Variants in SDK1 observed in about 807,000 individuals in gnomAD.
The protein encoded by SDK1 is sidekick cell adhesion molecule 1.
A neutral mutation model predicts 245.5 loss-of-function variants in SDK1; 157 were observed. The observed-to-expected ratio is 0.64, with a 90% CI of 0.56 to 0.73. The LOEUF (loss-of-function observed/expected upper bound fraction) is 0.73, where lower values mean the gene tolerates loss of function less well. Among genes scored for constraint, SDK1 ranks in the 30% least tolerant of loss-of-function variants. The pLI is 0.00. For missense variants in SDK1, 3,583 were observed against 3,002.3 expected (o/e 1.19, Z -4.52); for synonymous variants, 1,647 against 1,278.5 (o/e 1.29, Z -6.15).
intron 1 of SDK1, among the ~76,000 whole-genome samples, chr7:3,376,578 G>C (rs919796616): frequency 1.6e-4 from 25 of 152,168 alleles, no homozygotes; most frequent in African/African-American, 5.6e-4. Flanking sequence ...GTATTTACCA[G>C]ATTCACAGAG....
intron 1 of SDK1, among the ~76,000 whole-genome samples, chr7:3,417,456 TTC>T (rs918070264): frequency 4.6e-5 from 7 of 152,156 alleles, no homozygotes; most frequent in African/African-American, 1.4e-4. Flanking sequence ...TCTCTTTTTT[TTC>T]TCTCTCTTAC....
chr7:4,239,439 A>C (rs1786383758), intron 42 of SDK1, among the ~76,000 whole-genome samples: 1 of 152,250 alleles, frequency 6.6e-6, no homozygotes. Context: ...TAGCTTGTGC[A>C]TTTGATTATC....
At chr7:3,479,769 G>A (rs1332086971) in intron 1 of SDK1, among the ~76,000 whole-genome samples, 2 of 151,824 alleles carry the variant, frequency 1.3e-5, no homozygotes, top group Non-Finnish European at 2.9e-5. Context: ...AGTTGAGGCA[G>A]GAGAATTGCT....
chr7:3,971,981 G>T (rs1782520064), intron 12 of SDK1, among the ~76,000 whole-genome samples: 1 of 152,072 alleles, frequency 6.6e-6, no homozygotes, highest in African/African-American at 2.4e-5. Context: ...GTGAAATGGA[G>T]GGGGAGGGAG....
At chr7:3,491,315 T>C (rs1478567618) in intron 1 of SDK1, among the ~76,000 whole-genome samples, 4 of 152,196 alleles carry the variant, frequency 2.6e-5, no homozygotes, top group Admixed American at 2.0e-4. Context: ...ACTCAGACTT[T>C]CTTCTCCAAC....
At chr7:3,949,123 G>A (rs774998910) in intron 5 of SDK1, among the ~76,000 whole-genome samples, 1 of 152,168 alleles carries the variant, frequency 6.6e-6, no homozygotes, top group African/African-American at 2.4e-5. Flanking sequence ...AAGCGAAGGC[G>A]TCAGCAGGAA....
intron 1 of SDK1, among the ~76,000 whole-genome samples, chr7:3,493,070 C>A (rs963922782): frequency 6.6e-6 from 1 of 152,304 alleles, no homozygotes; most frequent in Non-Finnish European, 1.5e-5. Flanking sequence ...CCTGCCTCAG[C>A]CTCCCCAGTA....
intron 4 of SDK1, among the ~76,000 whole-genome samples, chr7:3,817,315 C>T (rs1779533063): frequency 6.6e-6 from 1 of 152,172 alleles, no homozygotes; most frequent in African/African-American, 2.4e-5. Context: ...CTTCTTACAG[C>T]TTGTAAGTAC....
intron 1 of SDK1, among the ~76,000 whole-genome samples, chr7:3,350,826 T>G (rs1049412460): frequency 6.6e-6 from 1 of 152,210 alleles, no homozygotes; most frequent in African/African-American, 2.4e-5. Context: ...TGAAAAAAAT[T>G]AGTAGGACTG....
intron 1 of SDK1, among the ~76,000 whole-genome samples, chr7:3,439,707 T>C (rs535831857): frequency 6.6e-6 from 1 of 152,368 alleles, no homozygotes; most frequent in Admixed American, 6.5e-5. Flanking sequence ...CAGCTTGCTT[T>C]ATAGAACAGA....
chr7:3,369,626 A>C (rs1349103909), intron 1 of SDK1, among the ~76,000 whole-genome samples: 1 of 152,220 alleles, frequency 6.6e-6, no homozygotes, highest in African/African-American at 2.4e-5. Context: ...TGTTGTATAT[A>C]AGAGGATAGC....
chr7:3,301,939 G>T (rs1390036985), intron 1 of SDK1, 55 bp downstream of exon 1: 73 of 1,090,818 alleles, frequency 6.7e-5, no homozygotes, highest in Non-Finnish European at 7.7e-5. Flanking sequence ...GCGGAGGCGC[G>T]AACTTGAGCA....
chr7:3,663,383 T>G (rs545802018), intron 4 of SDK1, among the ~76,000 whole-genome samples: 1 of 152,334 alleles, frequency 6.6e-6, no homozygotes, highest in Non-Finnish European at 1.5e-5. Context: ...CTGGTGTTTT[T>G]AACTAAATGA....
intron 1 of SDK1, among the ~76,000 whole-genome samples, chr7:3,586,726 A>G (rs908602351): frequency 6.6e-6 from 1 of 151,480 alleles, no homozygotes; most frequent in East Asian, 1.9e-4. Flanking sequence ...AAAAAAAGAA[A>G]TAGAGGACAG....
intron 4 of SDK1, among the ~76,000 whole-genome samples, chr7:3,807,194 G>A (rs1409421532): frequency 1.3e-5 from 2 of 152,182 alleles, no homozygotes; most frequent in African/African-American, 4.8e-5. Context: ...GGAACCCAGG[G>A]CTCATAGCTC....
At chr7:4,232,407 CTTTCTTT>C (rs1308617510) in intron 40 of SDK1, among the ~76,000 whole-genome samples, 14 of 73,192 alleles carry the variant, frequency 1.9e-4, no homozygotes, top group East Asian at 7.0e-4. Context: ...CTTTTCTTTT[CTTTCTTT>C]TTTTTTTTTT....
intron 1 of SDK1, among the ~76,000 whole-genome samples, chr7:3,538,059 C>T (rs1247103824): frequency 1.3e-5 from 2 of 152,126 alleles, no homozygotes; most frequent in Non-Finnish European, 2.9e-5. Context: ...TTTGGCTCTC[C>T]TGGGTGGGAA....
chr7:3,684,806 A>C (rs570712702), intron 4 of SDK1, among the ~76,000 whole-genome samples: 7 of 152,210 alleles, frequency 4.6e-5, no homozygotes. Context: ...AAAAGAGCCA[A>C]TGGAAAGCAG....
chr7:4,014,676 GTTTC>G (rs1051549472), intron 16 of SDK1, among the ~76,000 whole-genome samples: 3 of 152,188 alleles, frequency 2.0e-5, no homozygotes, highest in Admixed American at 6.5e-5. Flanking sequence ...TAGGGAGGGT[GTTTC>G]TTTGAGAGGA....
Sources: gnomAD v4.1 joint callset for allele counts (sites outside exome capture counted in the v4.1 genomes callset) on GRCh38, gnomAD v4.1.1 for gene constraint, MANE v1.5 for transcripts, NCBI Gene and HGNC (gene_info 2026-07-23, HGNC 2026-07-21) for gene names.